ATXN2: variants seen among roughly 807,000 people sequenced by gnomAD.
ATXN2 encodes ataxin-2.
ATXN2 carries 37 observed loss-of-function variants against 138.6 expected under a neutral mutation model. That is an observed-to-expected ratio of 0.27 (90% CI 0.21 to 0.35). The LOEUF (loss-of-function observed/expected upper bound fraction) is 0.35, where lower values mean the gene tolerates loss of function less well. Ranked by LOEUF, ATXN2 falls within the 10% of genes least tolerant of loss-of-function variation. The pLI, the probability that ATXN2 is intolerant of heterozygous loss-of-function variation, is 1.00. For missense variants in ATXN2, 1,216 were observed against 1,480.3 expected, an observed-to-expected ratio of 0.82 and a Z score of 2.93; for synonymous variants, 549 against 543.7, an observed-to-expected ratio of 1.01 and a Z score of -0.13.
intron 14 of ATXN2, among the ~76,000 whole-genome samples, chr12:111,496,157 C>T (rs1008938060): frequency 6.6e-6 from 1 of 151,494 alleles, no homozygotes; most frequent in African/African-American, 2.4e-5. Context: ...CTGTTACAAA[C>T]AAACAAACAA....
At chr12:111,458,214 G>C (rs973534337) in intron 21 of ATXN2, 2 of 150,300 alleles carry the variant, frequency 1.3e-5, no homozygotes, top group African/African-American at 5.0e-5. Context: ...TGCAACCTCT[G>C]CCTCCCAGGT....
intron 14 of ATXN2, among the ~76,000 whole-genome samples, chr12:111,497,146 C>A (rs941715777): frequency 5.9e-5 from 9 of 152,148 alleles, no homozygotes; most frequent in African/African-American, 2.2e-4. Flanking sequence ...ATACAACCTA[C>A]CAAGACTGAA....
chr12:111,554,334 T>C, intron 2 of ATXN2, 117 bp from the exon 3 acceptor site: 1 of 619,214 alleles, frequency 1.6e-6, no homozygotes, highest in Non-Finnish European at 2.5e-6. Context: ...GATTTGGGGA[T>C]ATTTGCATTA....
At chr12:111,563,169 CA>C (rs1304432618) in intron 1 of ATXN2, among the ~76,000 whole-genome samples, 1 of 152,018 alleles carries the variant, frequency 6.6e-6, no homozygotes, top group East Asian at 1.9e-4. Context: ...AGTGTCAAGT[CA>C]TAAAAGACAA....
At chr12:111,524,742 TAATTATTTATCTTAATGACA>T (rs1166477520) in intron 6 of ATXN2, among the ~76,000 whole-genome samples, 1 of 152,230 alleles carries the variant, frequency 6.6e-6, no homozygotes, top group Non-Finnish European at 1.5e-5. Context: ...CAATGTAACC[TAATTATTTATCTTAATGACA>T]ACCTTTTCTT....
intron 1 of ATXN2, among the ~76,000 whole-genome samples, chr12:111,558,950 C>CT (rs1324867988): frequency 1.6e-3 from 41 of 25,762 alleles, no homozygotes; most frequent in Admixed American, 3.5e-3. Context: ...CACAATTTCC[C>CT]TTAAAAAAAA....
chr12:111,595,640 CAAA>C (rs35562762), intron 1 of ATXN2, among the ~76,000 whole-genome samples: 2 of 79,576 alleles, frequency 2.5e-5, no homozygotes, highest in African/African-American at 4.5e-5. Flanking sequence ...GACTCTGTCT[CAAA>C]AAAAAAAAAA....
In ATXN2 at chr12:111,452,661, G is replaced by T. The variant is rs1565997803; in HGVS notation, c.*151C>A. 1.0e-5 allele frequency: 9 copies of T among 901,444 alleles called. No individual in the cohort carries two copies. The highest frequency in any genetic ancestry group is 1.6e-5 in the Non-Finnish European group (9 of 566,674). 55.8% of individuals were successfully genotyped at this position (901,444 alleles called of 1,614,324 possible). On this transcript the variant is annotated 3_prime_UTR_variant, in exon 25 of 25. Coordinates refer to ENST00000673436, the MANE Select transcript of ATXN2 (RefSeq NM_001372574.1). ...GGTCCAAGTATCTTCCACTGCAAGT[G>T]AACTGTTAGCATTCCTATTGGATGT...
At position 111,506,299 on chromosome 12, in the gene ATXN2, C is replaced by T. The variant is rs544100165; in HGVS notation, c.1935+3250G>A. ...TATGTTTTAAAATCAACTGAGAAGA[C>T]GGTTGTACAACATTGTGAATATTTT... On this transcript the variant is annotated intron_variant, in intron 14 of 24. Transcript: ENST00000673436. Among the ~76,000 whole-genome samples, 5 of 152,132 alleles carry T rather than the reference C, an allele frequency of 3.3e-5. No individual in the cohort carries two copies. The South Asian group carries it at 6.2e-4, about 19-fold the overall frequency.
rs913584069 is a variant in ATXN2 at position 111,554,151 on chromosome 12, A to G, written c.348+7T>C. 1 of 1,479,058 alleles carries G rather than the reference A, an allele frequency of 6.8e-7. No homozygotes were observed. The highest frequency in any genetic ancestry group is 1.4e-5 in the African/African-American group (1 of 70,116). 91.6% of individuals were successfully genotyped at this position (1,479,058 alleles called of 1,614,324 possible). ...GGCAGTTTATCCCCAATAATCTAATAACTTACAACAACTGATGTAAGTATA... is the reference window on the plus strand; with the variant it reads ...GGCAGTTTATCCCCAATAATCTAATGACTTACAACAACTGATGTAAGTATA... On this transcript the variant is annotated splice_region_variant and intron_variant, in intron 3 of 24. Transcript: ENST00000673436.
chr12:111,569,935 A>G (rs1883219079), intron 1 of ATXN2, among the ~76,000 whole-genome samples: 1 of 152,160 alleles, frequency 6.6e-6, no homozygotes, highest in Non-Finnish European at 1.5e-5. Flanking sequence ...ACAATGATGA[A>G]GATGTCCTAT....
chr12:111,488,829 A>AC, intron 14 of ATXN2, 49 bp from the exon 15 acceptor site: 7 of 1,454,740 alleles, frequency 4.8e-6, no homozygotes, highest in Non-Finnish European at 6.5e-6. Context: ...AACTTTAGTA[A>AC]TACATTTTTG....
At chr12:111,566,564 G>C (rs1007612154) in intron 1 of ATXN2, among the ~76,000 whole-genome samples, 1 of 151,608 alleles carries the variant, frequency 6.6e-6, no homozygotes, top group Admixed American at 6.6e-5. Context: ...AGATGCCACT[G>C]AGAATGCCAT....
chr12:111,497,059 A>C (rs530477118), intron 14 of ATXN2, among the ~76,000 whole-genome samples: 1 of 152,298 alleles, frequency 6.6e-6, no homozygotes, highest in African/African-American at 2.4e-5. Context: ...AATTCAAAGG[A>C]TCATTAGAGA....
intron 1 of ATXN2, among the ~76,000 whole-genome samples, chr12:111,563,314 T>C (rs1882800771): frequency 6.6e-6 from 1 of 152,102 alleles, no homozygotes; most frequent in African/African-American, 2.4e-5. Flanking sequence ...TGTATATATA[T>C]GTGTATATAT....
chr12:111,509,448 G>A, intron 14 of ATXN2, 101 bp downstream of exon 14: 1 of 699,182 alleles, frequency 1.4e-6, no homozygotes, highest in Non-Finnish European at 2.5e-6. Context: ...TATATGGTTT[G>A]ATGTTTCTGA....
intron 14 of ATXN2, among the ~76,000 whole-genome samples, chr12:111,497,344 T>A (rs1211338271): frequency 6.6e-6 from 1 of 152,028 alleles, no homozygotes; most frequent in African/African-American, 2.4e-5. Flanking sequence ...TCCAACACAA[T>A]ACAGGAAGAG....
intron 16 of ATXN2, among the ~76,000 whole-genome samples, chr12:111,486,456 G>C (rs189301594): frequency 1.1e-4 from 17 of 152,320 alleles, no homozygotes; most frequent in Admixed American, 9.8e-4. Context: ...GTTGAATCCA[G>C]TGATGCAAAA....
At chr12:111,467,156 A>T (rs1484780109) in intron 20 of ATXN2, among the ~76,000 whole-genome samples, 2 of 151,634 alleles carry the variant, frequency 1.3e-5, no homozygotes, top group Non-Finnish European at 2.9e-5. Context: ...TCTTTTTTTT[A>T]AATAGAGACA....
Sources: gnomAD v4.1 joint callset for allele counts (sites outside exome capture counted in the v4.1 genomes callset) on GRCh38, gnomAD v4.1.1 for gene constraint, MANE v1.5 for transcripts, NCBI Gene and HGNC (gene_info 2026-07-23, HGNC 2026-07-21) for gene names.